The following RPS6KC1 variants were observed in gnomAD, a reference collection of about 807,000 sequenced individuals.
RPS6KC1 encodes ribosomal protein S6 kinase C1.
Under a neutral mutation model 103.8 loss-of-function variants are expected in RPS6KC1, and 54 were observed. The ratio of observed to expected loss-of-function variants is 0.52; its 90% CI spans 0.42 to 0.65. RPS6KC1 has a LOEUF of 0.65. Ranked by LOEUF, RPS6KC1 falls within the 30% of genes least tolerant of loss-of-function variation. The probability of loss-of-function intolerance (pLI) is 0.00; values close to 1 mark genes in which losing one functional copy is unlikely to be tolerated. For missense variants in RPS6KC1, 1,151 were observed against 1,253.8 expected, an observed-to-expected ratio of 0.92 and a Z score of 1.24; for synonymous variants, 439 against 438.7, an observed-to-expected ratio of 1.00 and a Z score of -0.01.
the RPS6KC1 span, among the ~76,000 whole-genome samples, chr1:213,307,154 A>T: frequency 1.4e-5 from 2 of 144,426 alleles, no homozygotes; most frequent in African/African-American, 2.6e-5. Context: ...GCTCTGCCTC[A>T]CGGGTTCACG....
At chr1:213,685,536 A>G in the RPS6KC1 span, among the ~76,000 whole-genome samples, 1 of 151,914 alleles carries the variant, frequency 6.6e-6, no homozygotes, top group South Asian at 2.1e-4. Flanking sequence ...AGCCTGAGGC[A>G]GGAGAATCAC....
the RPS6KC1 span, among the ~76,000 whole-genome samples, chr1:213,729,127 C>T: frequency 2.0e-5 from 3 of 151,866 alleles, no homozygotes; most frequent in South Asian, 2.1e-4. Flanking sequence ...AGTGAACGGA[C>T]AATTCAATGC....
Position 213,242,104 on chromosome 1 carries a change from A to G in RPS6KC1, c.2628A>G (p.Leu876=). The G allele has an allele frequency of 1.2e-6, 2 of 1,613,696 alleles. No homozygotes were observed. Among genetic ancestry groups the G allele is most frequent in the Non-Finnish European group, 1.7e-6 (2 of 1,179,846 alleles). ...SETKGESGLV[L]EGDKEIHQIF... ...CTAAGGGTGAAAGTGGTTTAGTGCTAGAAGGAGACAAGGAAATACATCAGA... is the reference window on the plus strand; with the variant it reads ...CTAAGGGTGAAAGTGGTTTAGTGCTGGAAGGAGACAAGGAAATACATCAGA... Residue 876 remains leucine (L), a synonymous_variant, in exon 11 of 15, where the codon CTA becomes CTG. Coordinates refer to ENST00000366960, the MANE Select transcript of RPS6KC1 (RefSeq NM_012424.6).
chr1:213,658,970 T>A, the RPS6KC1 span, among the ~76,000 whole-genome samples: 1 of 152,126 alleles, frequency 6.6e-6, no homozygotes, highest in South Asian at 2.1e-4. Context: ...TTTTCTTTTT[T>A]TTCTTTTTTT....
At chr1:213,477,878 A>G in the RPS6KC1 span, among the ~76,000 whole-genome samples, 2 of 152,160 alleles carry the variant, frequency 1.3e-5, no homozygotes, top group African/African-American at 2.4e-5. Flanking sequence ...TCAACACATT[A>G]TTACCAACCA....
chr1:213,101,014 C>T (rs1214326765), intron 3 of RPS6KC1, among the ~76,000 whole-genome samples: 1 of 152,144 alleles, frequency 6.6e-6, no homozygotes, highest in East Asian at 1.9e-4. Context: ...ACATGCCTTC[C>T]ACAGGGGCTG....
chr1:213,687,482 G>T, the RPS6KC1 span, among the ~76,000 whole-genome samples: 2 of 151,882 alleles, frequency 1.3e-5, no homozygotes, highest in South Asian at 2.1e-4. Context: ...GCATTTTTTT[G>T]AATTATGTCT....
the RPS6KC1 span, among the ~76,000 whole-genome samples, chr1:213,286,103 ATGT>A: frequency 1.3e-5 from 2 of 152,236 alleles, no homozygotes; most frequent in African/African-American, 4.8e-5. Flanking sequence ...AAAGAGTCTG[ATGT>A]TGTCGAGAAG....
the RPS6KC1 span, among the ~76,000 whole-genome samples, chr1:213,515,827 G>A: frequency 1.8e-3 from 280 of 152,202 alleles, no homozygotes; most frequent in African/African-American, 6.4e-3. Context: ...GGGCAGTGTG[G>A]CCATTTTCGC....
At chr1:213,539,177 C>T in the RPS6KC1 span, among the ~76,000 whole-genome samples, 2 of 152,214 alleles carry the variant, frequency 1.3e-5, no homozygotes, top group Non-Finnish European at 2.9e-5. Context: ...GAACTCTCAT[C>T]TCAACTCTTG....
chr1:213,545,045 G>A, the RPS6KC1 span, among the ~76,000 whole-genome samples: 1 of 152,084 alleles, frequency 6.6e-6, no homozygotes, highest in Non-Finnish European at 1.5e-5. Context: ...GGTGTCTATA[G>A]GGTTGGCTCT....
At chr1:213,404,465 A>C in the RPS6KC1 span, among the ~76,000 whole-genome samples, 3 of 152,256 alleles carry the variant, frequency 2.0e-5, no homozygotes, top group South Asian at 6.2e-4. Context: ...TATCTTTTTC[A>C]TTCTTACATT....
chr1:213,369,535 A>T, the RPS6KC1 span, among the ~76,000 whole-genome samples: 1 of 152,238 alleles, frequency 6.6e-6, no homozygotes, highest in African/African-American at 2.4e-5. Flanking sequence ...GCAGCCTAGC[A>T]TGCCGGGATA....
intron 4 of RPS6KC1, among the ~76,000 whole-genome samples, chr1:213,116,632 A>G (rs1027193706): frequency 6.7e-6 from 1 of 150,052 alleles, no homozygotes; most frequent in Non-Finnish European, 1.5e-5. Context: ...TAGTCGATGC[A>G]GTTTCTTCCT....
chr1:213,572,174 C>T, the RPS6KC1 span, among the ~76,000 whole-genome samples: 1 of 152,178 alleles, frequency 6.6e-6, no homozygotes, highest in South Asian at 2.1e-4. Context: ...ACATAGCTGC[C>T]TGCTTCAGAG....
At chr1:213,830,323 A>G in the RPS6KC1 span, among the ~76,000 whole-genome samples, 1 of 152,204 alleles carries the variant, frequency 6.6e-6, no homozygotes, top group Non-Finnish European at 1.5e-5. Flanking sequence ...GCAGATTATA[A>G]AAAGAAATTA....
chr1:213,729,519 T>A, the RPS6KC1 span, among the ~76,000 whole-genome samples: 1 of 152,110 alleles, frequency 6.6e-6, no homozygotes, highest in Non-Finnish European at 1.5e-5. Flanking sequence ...ATCATCTTAT[T>A]TGTCATGTTT....
chr1:213,533,959 G>T, the RPS6KC1 span, among the ~76,000 whole-genome samples: 1 of 152,224 alleles, frequency 6.6e-6, no homozygotes, highest in South Asian at 2.1e-4. Context: ...GGCACTGAAG[G>T]TCTCATCCAG....
the RPS6KC1 span, among the ~76,000 whole-genome samples, chr1:213,748,500 C>T: frequency 0.013 from 1,981 of 152,262 alleles, 11 homozygotes; most frequent in Non-Finnish European, 0.018. Flanking sequence ...CCTCTGATAT[C>T]CTCATTGTAA....
Sources: allele counts gnomAD v4.1 joint callset (sites outside exome capture counted in the v4.1 genomes callset), GRCh38; gene constraint gnomAD v4.1.1; transcripts MANE v1.5; gene names NCBI Gene and HGNC (gene_info 2026-07-23, HGNC 2026-07-21).